The following CACNA1E variants were observed in gnomAD, a reference collection of about 807,000 sequenced individuals.
CACNA1E encodes voltage-dependent R-type calcium channel subunit alpha-1E.
In CACNA1E, 40 loss-of-function variants were observed where a neutral mutation model predicts 259.2. The ratio of observed to expected loss-of-function variants is 0.15; its 90% CI spans 0.12 to 0.20. The LOEUF (loss-of-function observed/expected upper bound fraction) is 0.20, where lower values mean the gene tolerates loss of function less well. CACNA1E is among the 10% of genes least tolerant of loss of function. The probability of loss-of-function intolerance (pLI) is 1.00; values close to 1 mark genes in which losing one functional copy is unlikely to be tolerated. For missense variants in CACNA1E, 1,874 were observed against 3,040.1 expected (o/e 0.62, Z 9.02); for synonymous variants, 1,104 against 1,138.5 (o/e 0.97, Z 0.61).
chr1:181,606,837 C>T (rs1411905059), intron 6 of CACNA1E, among the ~76,000 whole-genome samples: 2 of 152,208 alleles, frequency 1.3e-5, no homozygotes, highest in Non-Finnish European at 2.9e-5. Context: ...TTTCTTCCTT[C>T]GGCGGCCCCT....
chr1:181,733,925 T>C (rs1266604442), intron 21 of CACNA1E, among the ~76,000 whole-genome samples, 175 bp downstream of exon 21: 1 of 152,258 alleles, frequency 6.6e-6, no homozygotes, highest in African/African-American at 2.4e-5. Flanking sequence ...GCTAGCGTTC[T>C]CTTCATCTTA....
At chr1:181,517,532 A>G (rs902680452) in intron 3 of CACNA1E, among the ~76,000 whole-genome samples, 2 of 151,884 alleles carry the variant, frequency 1.3e-5, no homozygotes, top group African/African-American at 4.8e-5. Flanking sequence ...CTCTGAGGAA[A>G]GCCATGGAAA....
intron 1 of CACNA1E, among the ~76,000 whole-genome samples, chr1:181,393,860 A>G (rs887186907): frequency 1.3e-5 from 2 of 152,162 alleles, no homozygotes; most frequent in Non-Finnish European, 2.9e-5. Context: ...AATGTTTGTA[A>G]CTTTCAACAA....
At position 181,414,769 on chromosome 1, in the gene CACNA1E, G is replaced by A. The variant is rs140431799; in HGVS notation, c.434+1189G>A. On this transcript the variant is annotated intron_variant, in intron 2 of 11. Coordinates refer to the CACNA1E transcript ENST00000524607. ...AGTTAAGTGACTTTCTCAAGGTCAC[G>A]TGGATAACAACCGCATTGTTACTGT... Among the ~76,000 whole-genome samples the A allele has an allele frequency of 1.9e-3, 290 of 152,328 alleles. 3 individuals are homozygous for A. Among genetic ancestry groups the A allele is most frequent in the African/African-American group, 6.6e-3 (273 of 41,572 alleles).
At chr1:181,659,739 G>T (rs1247642315) in intron 7 of CACNA1E, among the ~76,000 whole-genome samples, 2 of 152,170 alleles carry the variant, frequency 1.3e-5, no homozygotes, top group African/African-American at 4.8e-5. Context: ...GATCATATTT[G>T]TTCTTTGCAA....
At chr1:181,753,694 C>A (rs1288718589) in intron 27 of CACNA1E, among the ~76,000 whole-genome samples, 1 of 152,176 alleles carries the variant, frequency 6.6e-6, no homozygotes, top group Non-Finnish European at 1.5e-5. Context: ...TTCCCACTTC[C>A]TATTGAATTC....
intron 3 of CACNA1E, among the ~76,000 whole-genome samples, chr1:181,576,469 A>C (rs904428626): frequency 2.6e-5 from 4 of 152,216 alleles, no homozygotes; most frequent in African/African-American, 9.6e-5. Flanking sequence ...TCTGCTTCCG[A>C]GGGCCATAGG....
rs145607638 is a variant in CACNA1E at position 181,711,730 on chromosome 1, C to T, written c.1171+661C>T. Among the ~76,000 whole-genome samples the T allele has an allele frequency of 3.2e-3, 487 of 152,064 alleles. 3 individuals are homozygous for T. Among genetic ancestry groups the T allele is most frequent in the African/African-American group, 0.011 (465 of 41,458 alleles). On this transcript the variant is annotated intron_variant, in intron 8 of 47. Transcript: ENST00000367573. ...AAGTTCTGGGAGAGGAGTATTTCAG[C>T]GCCAAGTACCTAACATGGGAGTGAG...
intron 3 of CACNA1E, among the ~76,000 whole-genome samples, chr1:181,531,554 G>C (rs180672866): frequency 6.6e-6 from 1 of 152,330 alleles, no homozygotes; most frequent in Non-Finnish European, 1.5e-5. Flanking sequence ...ACCTGTCCAT[G>C]GAGCTGGGCA....
At chr1:181,392,211 C>T (rs987522150) in intron 1 of CACNA1E, among the ~76,000 whole-genome samples, 1 of 152,176 alleles carries the variant, frequency 6.6e-6, no homozygotes, top group Admixed American at 6.5e-5. Flanking sequence ...TCTTACCTTC[C>T]ATGTTTCTCT....
chr1:181,432,478 T>C (rs1194397714), intron 2 of CACNA1E, among the ~76,000 whole-genome samples: 3 of 151,988 alleles, frequency 2.0e-5, no homozygotes, highest in African/African-American at 7.2e-5. Flanking sequence ...CAAAAAAATG[T>C]TTTCACAAAG....
chr1:181,328,039 C>T (rs74635931), intron 1 of CACNA1E, among the ~76,000 whole-genome samples: 11,456 of 152,236 alleles, frequency 0.075, 555 homozygotes, highest in East Asian at 0.15. Context: ...GGTGTCTTCA[C>T]ATAGTTGCAG....
intron 2 of CACNA1E, among the ~76,000 whole-genome samples, chr1:181,448,658 A>T (rs143929201): frequency 6.6e-6 from 1 of 152,360 alleles, no homozygotes; most frequent in African/African-American, 2.4e-5. Context: ...ATATTACCAC[A>T]ACCTGGGAAA....
intron 21 of CACNA1E, among the ~76,000 whole-genome samples, chr1:181,735,263 A>G (rs894535485): frequency 2.0e-5 from 3 of 152,182 alleles, no homozygotes; most frequent in African/African-American, 4.8e-5. Flanking sequence ...GCCTTCTTTT[A>G]TGAGAAAGAA....
At chr1:181,456,332 G>A (rs2102354656) in intron 2 of CACNA1E, among the ~76,000 whole-genome samples, 2 of 152,278 alleles carry the variant, frequency 1.3e-5, no homozygotes, top group South Asian at 2.1e-4. Context: ...TACCATTTGT[G>A]TCTGTAGGGG....
intron 1 of CACNA1E, among the ~76,000 whole-genome samples, chr1:181,348,715 T>C (rs981637811): frequency 4.6e-5 from 7 of 152,342 alleles, no homozygotes; most frequent in African/African-American, 1.4e-4. Flanking sequence ...TCCTTTCTCC[T>C]CTTAAATGCT....
rs1309037312 is a variant in CACNA1E, at chr1:181,732,964, C to A, written c.2878C>A (p.His960Asn). The change falls in exon 20 of 48, where the codon CAT becomes AAT. Residue 960 changes from histidine to asparagine, a missense_variant. This residue lies in a region of CACNA1E where 476 missense variants were observed against 514.0 expected (regional missense o/e 0.93). Coordinates refer to ENST00000367573, the MANE Select transcript of CACNA1E (RefSeq NM_001205293.3). This position sits in a 1 kb window ranked among gnomAD's most constrained non-coding sequence, Gnocchi z 5.5. Reference sequence around the variant, plus strand: ...CATGCCCACTGAAGGGGAGAAGGACCATGAGCTCAGGGGCAACCATGGTGC... The same window carrying A: ...CATGCCCACTGAAGGGGAGAAGGACAATGAGCTCAGGGGCAACCATGGTGC... ...EAMPTEGEKD[H>N]ELRGNHGAKE... The A allele has an allele frequency of 6.2e-6, 10 of 1,613,990 alleles. No homozygotes were observed. Among genetic ancestry groups the A allele is most frequent in the Non-Finnish European group, 8.5e-6 (10 of 1,179,886 alleles).
chr1:181,363,881 G>T (rs1654070535), intron 1 of CACNA1E, among the ~76,000 whole-genome samples: 1 of 152,216 alleles, frequency 6.6e-6, no homozygotes, highest in Non-Finnish European at 1.5e-5. Flanking sequence ...GATAGGAGAG[G>T]TGGGGCCAGA....
intron 32 of CACNA1E, among the ~76,000 whole-genome samples, chr1:181,762,122 A>G (rs1658631231): frequency 6.6e-6 from 1 of 152,210 alleles, no homozygotes; most frequent in Admixed American, 6.5e-5. Flanking sequence ...CGCAATAGAG[A>G]TAATTTAAAA....
Sources: gnomAD v4.1 joint callset for allele counts (sites outside exome capture counted in the v4.1 genomes callset) on GRCh38, gnomAD v4.1.1 for gene constraint, gnomAD v4.1.1 regional missense constraint, Gnocchi (gnomAD v3.1) non-coding constraint, MANE v1.5 for transcripts, NCBI Gene and HGNC (gene_info 2026-07-23, HGNC 2026-07-21) for gene names.